The following SCARB2 variants were observed in gnomAD, a reference collection of about 807,000 sequenced individuals.
SCARB2 encodes the protein scavenger receptor class B member 2.
SCARB2 carries 29 observed loss-of-function variants against 58.6 expected under a neutral mutation model. The ratio of observed to expected loss-of-function variants is 0.49; its 90% CI spans 0.37 to 0.67. The LOEUF (loss-of-function observed/expected upper bound fraction) is 0.67. Ranked by LOEUF, SCARB2 falls within the 30% of genes least tolerant of loss-of-function variation. The pLI is 0.00. For missense variants in SCARB2, 488 were observed against 578.5 expected (o/e 0.84, Z 1.60); for synonymous variants, 195 against 210.1 (o/e 0.93, Z 0.62).
intron 1 of SCARB2, among the ~76,000 whole-genome samples, chr4:76,209,170 A>T (rs1732990293): frequency 6.6e-6 from 1 of 152,196 alleles, no homozygotes; most frequent in Non-Finnish European, 1.5e-5. Flanking sequence ...GACTAAGATA[A>T]GTCTTCTTTG....
In SCARB2 at chr4:76,180,965, T is replaced by C. The variant is rs1336210858; in HGVS notation, c.412A>G (p.Ile138Val). The change falls in exon 3 of 12, where the codon ATT becomes GTT. Residue 138 changes from isoleucine (I) to valine (V), a missense_variant. By Grantham distance (29) the Ile-to-Val change is conservative. Coordinates refer to ENST00000264896, the MANE Select transcript of SCARB2 (RefSeq NM_005506.4). ...AAATGCCTACTTACCAATACAGGAA[T>C]ATTTAATGTTCTAATTAAGTCAATT... ...PKIDLIRTLN[I>V]PVLTVIEWSQ... The C allele has an allele frequency of 6.2e-7, 1 of 1,611,994 alleles. No individual in the cohort carries two copies.
At chr4:76,214,635 G>C (rs1733165296), upstream of SCARB2, among the ~76,000 whole-genome samples, 2 of 152,160 alleles carry the variant, frequency 1.3e-5, no homozygotes, top group African/African-American at 4.8e-5. Flanking sequence ...TGCCTGCTTT[G>C]CTCACTGTGG....
chr4:76,225,461 G>A (rs1265853051), intron 1 of SCARB2, among the ~76,000 whole-genome samples: 1 of 152,174 alleles, frequency 6.6e-6, no homozygotes, highest in East Asian at 1.9e-4. Context: ...TCCTTGTCTT[G>A]TTCCAGTTCT....
chr4:76,223,730 G>C (rs1733347848), intron 1 of SCARB2, among the ~76,000 whole-genome samples: 4 of 152,114 alleles, frequency 2.6e-5, no homozygotes. Context: ...AGTCCCTCAA[G>C]GCCCAGTCAC....
chr4:76,175,479 T>C (rs1456030501), intron 6 of SCARB2: 21 of 377,408 alleles, frequency 5.6e-5, no homozygotes, highest in Admixed American at 4.3e-4. Context: ...TTTGTCCTCA[T>C]AACAACCTCT....
chr4:76,188,486 A>G (rs1456881242), intron 2 of SCARB2, among the ~76,000 whole-genome samples: 1 of 149,498 alleles, frequency 6.7e-6, no homozygotes, highest in African/African-American at 2.5e-5. Flanking sequence ...CCTGTGTCAG[A>G]TGAGTTAGGC....
At position 76,196,246 on chromosome 4, in the gene SCARB2, G is replaced by A. The variant is rs1416465726; in HGVS notation, c.118-382C>T. 5.9e-5 allele frequency among the ~76,000 whole-genome samples: 9 copies of A among 152,310 alleles called. No individual in the cohort carries two copies. In the South Asian group the frequency reaches 1.5e-3, roughly 25 times the overall value. Reference sequence around the variant, plus strand: ...TGCGTGCCTGTAATCCTGGCTAGTCGGGAGGCTGAGGCAGTAGACTTGCTT... The same window carrying A: ...TGCGTGCCTGTAATCCTGGCTAGTCAGGAGGCTGAGGCAGTAGACTTGCTT... On this transcript the variant is annotated intron_variant, in intron 1 of 11. Transcript: ENST00000264896.
chr4:76,197,797 C>T (rs1308272520), intron 1 of SCARB2, among the ~76,000 whole-genome samples: 2 of 152,028 alleles, frequency 1.3e-5, no homozygotes, highest in South Asian at 2.1e-4. Context: ...AATTCAGGTC[C>T]GGATTAGGAG....
At position 76,176,434 on chromosome 4, in the gene SCARB2, T is replaced by TA. The variant is rs1400845342; in HGVS notation, c.704+2dup. ...AATTCCACTGATAAATCATTTGACT[T>TA]ACGTTTTCCCATTCCATTCCACAAT... On this transcript the variant is annotated splice_region_variant and intron_variant, in intron 5 of 11. Transcript: ENST00000264896. 1.3e-6 allele frequency: 2 copies of TA among 1,595,618 alleles called. No individual in the cohort carries two copies. Among genetic ancestry groups the TA allele is most frequent in the African/African-American group, 2.7e-5 (2 of 74,564 alleles).
At chr4:76,176,005 G>A (rs1732244901) in intron 5 of SCARB2, 95 bp from the exon 6 acceptor site, 4 of 1,413,168 alleles carry the variant, frequency 2.8e-6, no homozygotes, top group South Asian at 1.2e-5. Flanking sequence ...AACTGGAGCT[G>A]TCTATCCACA....
intron 2 of SCARB2, chr4:76,194,632 C>T (rs1213382392): frequency 3.3e-5 from 5 of 152,152 alleles, no homozygotes; most frequent in Non-Finnish European, 7.3e-5. Flanking sequence ...TCGATTACAA[C>T]AGAATTGTCA....
chr4:76,206,124 C>T (rs1431607335), intron 1 of SCARB2, among the ~76,000 whole-genome samples: 1 of 152,100 alleles, frequency 6.6e-6, no homozygotes, highest in Non-Finnish European at 1.5e-5. Flanking sequence ...AGCTCATTTG[C>T]CATGTGAGGT....
intron 1 of SCARB2, among the ~76,000 whole-genome samples, chr4:76,229,672 T>C (rs1733459919): frequency 6.6e-6 from 1 of 152,208 alleles, no homozygotes; most frequent in Non-Finnish European, 1.5e-5. Flanking sequence ...AAATACCTGA[T>C]TCCTGTGATG....
intron 1 of SCARB2, among the ~76,000 whole-genome samples, chr4:76,201,363 T>G (rs1301567379): frequency 6.6e-6 from 1 of 152,196 alleles, no homozygotes; most frequent in Non-Finnish European, 1.5e-5. Flanking sequence ...AGTGTCAGAT[T>G]GGGTCTGATA....
chr4:76,188,994 G>A (rs551195494), intron 2 of SCARB2, among the ~76,000 whole-genome samples: 1 of 152,244 alleles, frequency 6.6e-6, no homozygotes, highest in Admixed American at 6.5e-5. Context: ...GCTATTAGGT[G>A]GGTGCAAAGT....
intron 1 of SCARB2, chr4:76,213,209 A>G (rs1400541526): frequency 1.7e-6 from 1 of 577,650 alleles, no homozygotes; most frequent in Non-Finnish European, 3.2e-6. Context: ...CAGGATCCAT[A>G]GCCTTACTTA....
chr4:76,174,039 G>A (rs1732191741), intron 7 of SCARB2, 105 bp downstream of exon 7: 14 of 1,392,786 alleles, frequency 1.0e-5, no homozygotes, highest in Admixed American at 5.1e-5. Context: ...CTTAGTAGCT[G>A]GGACTGTAGG....
intron 2 of SCARB2, chr4:76,193,408 T>C (rs1424514792): frequency 6.6e-6 from 1 of 152,250 alleles, no homozygotes; most frequent in East Asian, 1.9e-4. Flanking sequence ...AGGCACTGCC[T>C]AGTGGAGCTG....
At chr4:76,217,609 T>A (rs1335452540), upstream of SCARB2, 4 of 594,972 alleles carry the variant, frequency 6.7e-6, no homozygotes, top group Non-Finnish European at 9.2e-6. Flanking sequence ...CCTCATCCAA[T>A]GCAGATGTCT....
Sources: gnomAD v4.1 joint callset for allele counts (sites outside exome capture counted in the v4.1 genomes callset) on GRCh38, gnomAD v4.1.1 for gene constraint, MANE v1.5 for transcripts, NCBI Gene and HGNC (gene_info 2026-07-23, HGNC 2026-07-21) for gene names.